The following MTUS2 variants were observed in gnomAD, a reference collection of about 807,000 sequenced individuals.
The protein encoded by MTUS2 is microtubule-associated tumor suppressor candidate 2.
MTUS2 carries 40 observed loss-of-function variants against 114.1 expected under a neutral mutation model. The ratio of observed to expected loss-of-function variants is 0.35; its 90% CI spans 0.27 to 0.46. The LOEUF (loss-of-function observed/expected upper bound fraction) is 0.46, where lower values mean the gene tolerates loss of function less well. MTUS2 is among the 20% of genes least tolerant of loss of function. MTUS2 has a pLI of 1.00. For missense variants in MTUS2, 1,679 were observed against 1,705.4 expected (o/e 0.98, Z 0.27); for synonymous variants, 688 against 672.0 (o/e 1.02, Z -0.37).
At chr13:29,357,585 C>G (rs1422971133) in intron 7 of MTUS2, among the ~76,000 whole-genome samples, 1 of 152,154 alleles carries the variant, frequency 6.6e-6, no homozygotes, top group African/African-American at 2.4e-5. Flanking sequence ...AAATCTCTCA[C>G]CTTTTCTTGA....
chr13:28,939,856 A>G (rs565700528), intron 2 of MTUS2, among the ~76,000 whole-genome samples: 1 of 152,212 alleles, frequency 6.6e-6, no homozygotes, highest in African/African-American at 2.4e-5. Flanking sequence ...CACAGTTCCC[A>G]TGGCTAGGGA....
chr13:29,430,298 G>A (rs914446976), intron 8 of MTUS2, among the ~76,000 whole-genome samples: 6 of 152,094 alleles, frequency 3.9e-5, no homozygotes, highest in Non-Finnish European at 8.8e-5. Context: ...AGTATGTTTC[G>A]AAAGGAGTCT....
intron 8 of MTUS2, among the ~76,000 whole-genome samples, chr13:29,425,518 G>A (rs565392489): frequency 1.2e-3 from 185 of 152,264 alleles, no homozygotes; most frequent in African/African-American, 4.2e-3. Flanking sequence ...TGCTGAATTG[G>A]GGTGATGGGT....
chr13:29,129,626 A>G (rs1380112261), intron 5 of MTUS2, among the ~76,000 whole-genome samples: 1 of 152,044 alleles, frequency 6.6e-6, no homozygotes, highest in Non-Finnish European at 1.5e-5. Context: ...TTACATGCAT[A>G]GAATGTGTAA....
At chr13:29,318,081 T>C (rs981539588) in intron 6 of MTUS2, among the ~76,000 whole-genome samples, 12 of 152,212 alleles carry the variant, frequency 7.9e-5, no homozygotes, top group Non-Finnish European at 1.6e-4. Flanking sequence ...CCCCGTGGCA[T>C]GTGCTTTCAC....
intron 10 of MTUS2, chr13:29,487,677 C>A: frequency 1.7e-6 from 1 of 571,556 alleles, no homozygotes; most frequent in East Asian, 3.0e-5. Context: ...CAGTGATCCC[C>A]TGCCTGGAGT....
intron 2 of MTUS2, among the ~76,000 whole-genome samples, chr13:28,980,370 G>A (rs1385716991): frequency 1.3e-5 from 2 of 152,106 alleles, no homozygotes; most frequent in East Asian, 1.9e-4. Flanking sequence ...CCCTGTTTTC[G>A]TTTGCCTCAT....
intron 6 of MTUS2, among the ~76,000 whole-genome samples, chr13:29,300,267 A>G (rs1899141032): frequency 6.6e-6 from 1 of 152,162 alleles, no homozygotes; most frequent in African/African-American, 2.4e-5. Context: ...CTGGTCTGAA[A>G]CCTTTTGTGG....
intron 8 of MTUS2, among the ~76,000 whole-genome samples, chr13:29,383,809 G>A (rs1872434373): frequency 6.6e-6 from 1 of 152,242 alleles, no homozygotes; most frequent in Admixed American, 6.5e-5. Flanking sequence ...TGGAGATGCA[G>A]CATCTTCCAG....
intron 2 of MTUS2, among the ~76,000 whole-genome samples, chr13:28,905,633 A>C (rs1879950789): frequency 1.3e-5 from 2 of 151,372 alleles, no homozygotes; most frequent in African/African-American, 4.9e-5. Context: ...AAGCTTTTTG[A>C]TGTGCTGCTG....
chr13:29,502,069 C>A (rs1882951069), intron 15 of MTUS2, among the ~76,000 whole-genome samples: 1 of 152,190 alleles, frequency 6.6e-6, no homozygotes, highest in African/African-American at 2.4e-5. Context: ...CAGCCATTGC[C>A]CCCATAACTA....
intron 9 of MTUS2, among the ~76,000 whole-genome samples, chr13:29,463,124 T>C (rs1211861331): frequency 6.6e-6 from 1 of 152,066 alleles, no homozygotes; most frequent in Non-Finnish European, 1.5e-5. Flanking sequence ...TTCTGCACTG[T>C]TGGTGCATCT....
intron 5 of MTUS2, among the ~76,000 whole-genome samples, chr13:29,162,706 TAAAG>T (rs1470183681): frequency 2.0e-5 from 3 of 152,254 alleles, no homozygotes; most frequent in African/African-American, 7.2e-5. Flanking sequence ...TTTCTAGAGA[TAAAG>T]AACCACATGA....
intron 4 of MTUS2, among the ~76,000 whole-genome samples, chr13:29,088,215 C>T (rs1356430249): frequency 6.6e-6 from 1 of 151,938 alleles, no homozygotes; most frequent in Admixed American, 6.6e-5. Context: ...TTTATTTGTG[C>T]TTTAATTTTT....
intron 5 of MTUS2, among the ~76,000 whole-genome samples, chr13:29,113,101 A>AT (rs1462491184): frequency 6.6e-6 from 1 of 152,070 alleles, no homozygotes; most frequent in Non-Finnish European, 1.5e-5. Flanking sequence ...CGTCTCTCCA[A>AT]TTTTTTTCCC....
intron 5 of MTUS2, among the ~76,000 whole-genome samples, chr13:29,118,904 G>A (rs1344106869): frequency 6.6e-6 from 1 of 152,144 alleles, no homozygotes; most frequent in African/African-American, 2.4e-5. Flanking sequence ...TGCCTTCATG[G>A]ATCCCAGTTG....
chr13:28,955,048 T>C (rs577624404), intron 2 of MTUS2, among the ~76,000 whole-genome samples: 2 of 152,316 alleles, frequency 1.3e-5, no homozygotes, highest in Admixed American at 6.5e-5. Flanking sequence ...GTAAGAAAAC[T>C]GAGTAACGAG....
chr13:29,391,617 T>A (rs1873473156), intron 8 of MTUS2, among the ~76,000 whole-genome samples: 1 of 147,476 alleles, frequency 6.8e-6, no homozygotes, highest in Non-Finnish European at 1.5e-5. Context: ...TGATCTTTCT[T>A]TGGTCTTTGT....
At chr13:29,341,542 G>A (rs1310562024) in intron 7 of MTUS2, among the ~76,000 whole-genome samples, 1 of 152,106 alleles carries the variant, frequency 6.6e-6, no homozygotes, top group African/African-American at 2.4e-5. Flanking sequence ...CTGGATGTTA[G>A]TCCTTTGTCA....
Sources: gnomAD v4.1 joint callset for allele counts (sites outside exome capture counted in the v4.1 genomes callset) on GRCh38, gnomAD v4.1.1 for gene constraint, MANE v1.5 for transcripts, NCBI Gene and HGNC (gene_info 2026-07-23, HGNC 2026-07-21) for gene names.